ACER3: variants seen among roughly 807,000 people sequenced by gnomAD.
The protein encoded by ACER3 is alkaline ceramidase 3, also known as alkCDase 3.
ACER3 carries 16 observed loss-of-function variants against 48.9 expected under a neutral mutation model. The observed-to-expected ratio is 0.33, with a 90% CI of 0.22 to 0.50. ACER3 has a LOEUF of 0.50. Ranked by LOEUF, ACER3 falls within the 20% of genes least tolerant of loss-of-function variation. ACER3 has a pLI of 0.98. For missense variants in ACER3, 227 were observed against 326.0 expected (o/e 0.70, Z 2.34); for synonymous variants, 109 against 107.8 (o/e 1.01, Z -0.07).
chr11:76,898,903 CAAAAAAAAAAAAAAAA>C (rs59278347), intron 1 of ACER3, among the ~76,000 whole-genome samples: 2 of 55,848 alleles, frequency 3.6e-5, no homozygotes, highest in African/African-American at 8.5e-5. Context: ...GACTCCGTCT[CAAAAAAAAAAAAAAAA>C]AAAAAAAAAA....
At chr11:76,890,712 A>G (rs529622541) in intron 1 of ACER3, among the ~76,000 whole-genome samples, 18 of 152,332 alleles carry the variant, frequency 1.2e-4, no homozygotes, top group African/African-American at 3.6e-4. Flanking sequence ...CATCTACTAT[A>G]TGTATATTAG....
chr11:76,940,714 GATTGCACTT>G (rs1947314979), intron 2 of ACER3, among the ~76,000 whole-genome samples: 1 of 151,954 alleles, frequency 6.6e-6, no homozygotes, highest in African/African-American at 2.4e-5. Context: ...TTACTTTTTG[GATTGCACTT>G]ATATCACTGT....
At chr11:76,952,493 C>T (rs1268057709) in intron 2 of ACER3, among the ~76,000 whole-genome samples, 2 of 151,218 alleles carry the variant, frequency 1.3e-5, no homozygotes, top group Non-Finnish European at 2.9e-5. Context: ...CTCCTGACCT[C>T]GTGATCTGCC....
intron 1 of ACER3, among the ~76,000 whole-genome samples, chr11:76,914,441 A>C (rs1266114730): frequency 6.6e-6 from 1 of 152,222 alleles, no homozygotes; most frequent in Non-Finnish European, 1.5e-5. Flanking sequence ...AACACATGAA[A>C]AAATGCTCAC....
intron 1 of ACER3, among the ~76,000 whole-genome samples, chr11:76,887,394 GA>G (rs1945698715): frequency 1.3e-5 from 2 of 152,164 alleles, no homozygotes; most frequent in Non-Finnish European, 2.9e-5. Flanking sequence ...AAGCAAAGGA[GA>G]ACTCAAAGAG....
intron 8 of ACER3, among the ~76,000 whole-genome samples, chr11:77,016,096 GA>G (rs1949362378): frequency 8.1e-6 from 1 of 123,484 alleles, no homozygotes; most frequent in Non-Finnish European, 1.6e-5. Flanking sequence ...GACAGAGCAA[GA>G]CTCCGTCTCA....
At chr11:76,948,126 G>GA (rs1312622397) in intron 2 of ACER3, among the ~76,000 whole-genome samples, 5 of 151,542 alleles carry the variant, frequency 3.3e-5, no homozygotes, top group African/African-American at 1.2e-4. Context: ...TATTTTCTAA[G>GA]AAAAAAGGTA....
chr11:76,878,449 C>A (rs534534961), intron 1 of ACER3, among the ~76,000 whole-genome samples: 31 of 152,076 alleles, frequency 2.0e-4, no homozygotes, highest in South Asian at 8.3e-4. Context: ...AAAGTTAAAT[C>A]TTTATTAATC....
At chr11:76,872,358 G>C (rs911873439) in intron 1 of ACER3, among the ~76,000 whole-genome samples, 4 of 152,082 alleles carry the variant, frequency 2.6e-5, no homozygotes. Context: ...TTACAGGCGT[G>C]AGCCACCACA....
chr11:76,928,509 G>C (rs963142319), intron 2 of ACER3, among the ~76,000 whole-genome samples: 1 of 152,018 alleles, frequency 6.6e-6, no homozygotes, highest in Non-Finnish European at 1.5e-5. Context: ...CCATGCTTTT[G>C]GTGTTTTAGA....
At chr11:76,957,989 T>A (rs906379706) in intron 2 of ACER3, among the ~76,000 whole-genome samples, 1 of 151,620 alleles carries the variant, frequency 6.6e-6, no homozygotes, top group African/African-American at 2.4e-5. Flanking sequence ...AGAGATAAGG[T>A]CTCACTATGT....
chr11:76,946,906 G>T (rs1488716395), intron 2 of ACER3, among the ~76,000 whole-genome samples: 4 of 152,184 alleles, frequency 2.6e-5, no homozygotes, highest in Non-Finnish European at 5.9e-5. Flanking sequence ...GTTCTCCCTA[G>T]CCAAGATTGT....
chr11:76,970,719 T>G (rs755617429), intron 3 of ACER3, among the ~76,000 whole-genome samples: 17 of 150,550 alleles, frequency 1.1e-4, no homozygotes, highest in South Asian at 2.1e-4. Context: ...AAATTCACCT[T>G]TTTTTTTTAC....
At chr11:76,882,577 A>T (rs1383720200) in intron 1 of ACER3, among the ~76,000 whole-genome samples, 3 of 152,172 alleles carry the variant, frequency 2.0e-5, no homozygotes, top group Non-Finnish European at 4.4e-5. Flanking sequence ...TTTATTTAAC[A>T]TCCTTGTCTG....
chr11:76,983,507 A>AT (rs1948628903), intron 4 of ACER3, among the ~76,000 whole-genome samples: 3 of 151,900 alleles, frequency 2.0e-5, no homozygotes, highest in Admixed American at 2.0e-4. Context: ...TAGAGACGAG[A>AT]TTTTGCCATG....
intron 7 of ACER3, among the ~76,000 whole-genome samples, chr11:76,999,091 A>G (rs1205421177): frequency 2.0e-5 from 3 of 152,166 alleles, no homozygotes; most frequent in African/African-American, 7.2e-5. Context: ...TTGAATATTT[A>G]TAAAATTCAT....
intron 1 of ACER3, among the ~76,000 whole-genome samples, chr11:76,910,698 T>C (rs1211851335): frequency 2.0e-5 from 3 of 152,162 alleles, no homozygotes; most frequent in African/African-American, 7.2e-5. Context: ...AAAGTAATAA[T>C]ATATAGTTTT....
chr11:76,954,134 A>G (rs1347581419), intron 2 of ACER3, among the ~76,000 whole-genome samples: 1 of 152,068 alleles, frequency 6.6e-6, no homozygotes, highest in Non-Finnish European at 1.5e-5. Flanking sequence ...TTTAGTAGAG[A>G]CAGGGTTTCA....
rs369928171 is a variant in ACER3, at chr11:77,022,527, A to G, written c.*2200A>G. ...AAGGCTCTCTTTTTAGCTACTAAGTAACATACTCAAGACTTTGTATCTGTG... is the reference window on the plus strand; with the variant it reads ...AAGGCTCTCTTTTTAGCTACTAAGTGACATACTCAAGACTTTGTATCTGTG... On this transcript the variant is annotated 3_prime_UTR_variant, in exon 11 of 11. Coordinates refer to ENST00000532485, the MANE Select transcript of ACER3 (RefSeq NM_018367.7). 2.6e-5 allele frequency: 4 copies of G among 152,234 alleles called. No homozygotes were observed. The highest frequency in any genetic ancestry group is 2.1e-4 in the South Asian group (1 of 4,834). 9.4% of individuals were successfully genotyped at this position (152,234 alleles called of 1,614,324 possible). A position where few individuals can be genotyped will look rare whatever the true frequency, so the allele number is the denominator to read the frequency against.
Sources: allele counts gnomAD v4.1 joint callset (sites outside exome capture counted in the v4.1 genomes callset), GRCh38; gene constraint gnomAD v4.1.1; transcripts MANE v1.5; gene names NCBI Gene and HGNC (gene_info 2026-07-23, HGNC 2026-07-21).